Variants in SLIT3 observed in about 807,000 individuals in gnomAD.
SLIT3 encodes the protein slit guidance ligand 3.
In SLIT3, 68 loss-of-function variants were observed where a neutral mutation model predicts 184.0. The ratio of observed to expected loss-of-function variants is 0.37; its 90% CI spans 0.30 to 0.45. The LOEUF (loss-of-function observed/expected upper bound fraction) is 0.45. Among genes scored for constraint, SLIT3 ranks in the 20% least tolerant of loss-of-function variants. SLIT3 has a pLI of 1.00. For synonymous variants in SLIT3, 831 were observed against 828.6 expected, an observed-to-expected ratio of 1.00 and a Z score of -0.05; for missense variants, 1,707 against 2,026.0, an observed-to-expected ratio of 0.84 and a Z score of 3.02.
chr5:168,958,795 C>A lies in SLIT3; in HGVS notation c.414-75459G>T, dbSNP rs141517970. On this transcript the variant is annotated intron_variant, in intron 4 of 35. Coordinates refer to ENST00000519560, the MANE Select transcript of SLIT3 (RefSeq NM_003062.4). Reference sequence around the variant, plus strand: ...TGGTGGAAGAAGGTGTCATGTGTACCGACATTCTTTTCTCCAAACTCCATC... The same window carrying A: ...TGGTGGAAGAAGGTGTCATGTGTACAGACATTCTTTTCTCCAAACTCCATC... Among the ~76,000 whole-genome samples, 301 of 152,310 alleles carry A rather than the reference C, an allele frequency of 2.0e-3. 2 individuals carry two copies. The highest frequency in any genetic ancestry group is 3.2e-3 in the Non-Finnish European group (221 of 68,024).
intron 22 of SLIT3, among the ~76,000 whole-genome samples, chr5:168,722,722 C>T (rs796779570): frequency 1.7e-4 from 26 of 152,324 alleles, no homozygotes; most frequent in African/African-American, 6.3e-4. Flanking sequence ...TCAGAAGCGA[C>T]GAGGTTCTAG....
chr5:168,731,452 A>G (rs77040746), intron 20 of SLIT3, among the ~76,000 whole-genome samples: 22,327 of 152,022 alleles, frequency 0.15, 2,267 homozygotes, highest in Non-Finnish European at 0.22. Flanking sequence ...TACTCATTCT[A>G]TGAGGTCAGT....
chr5:168,877,983 G>A (rs1048280123), intron 5 of SLIT3, among the ~76,000 whole-genome samples: 3 of 151,770 alleles, frequency 2.0e-5, no homozygotes, highest in Admixed American at 1.3e-4. Flanking sequence ...ACGTCTTTCC[G>A]TGATTTCTTT....
chr5:169,189,037 G>A (rs1270349555), intron 4 of SLIT3, among the ~76,000 whole-genome samples: 10 of 152,138 alleles, frequency 6.6e-5, no homozygotes, highest in Admixed American at 3.3e-4. Flanking sequence ...CCCAAGCATC[G>A]TAGAGACCTC....
At chr5:169,122,221 A>T (rs1398958788) in intron 4 of SLIT3, among the ~76,000 whole-genome samples, 1 of 152,224 alleles carries the variant, frequency 6.6e-6, no homozygotes, top group Non-Finnish European at 1.5e-5. Flanking sequence ...AAACACACTC[A>T]GTTATTACAT....
chr5:169,058,950 T>TGG (rs1194830608), intron 4 of SLIT3, among the ~76,000 whole-genome samples: 10 of 152,334 alleles, frequency 6.6e-5, no homozygotes, highest in Admixed American at 2.0e-4. Flanking sequence ...TGGGCACCTT[T>TGG]GCACAAACCA....
At position 169,150,332 on chromosome 5, in the gene SLIT3, C is replaced by A. The variant is rs562281989; in HGVS notation, c.413+43147G>T. Among the ~76,000 whole-genome samples, 7 of 152,192 alleles carry A rather than the reference C, an allele frequency of 4.6e-5. No homozygotes were observed. The South Asian group carries it at 8.3e-4, about 18-fold the overall frequency. On this transcript the variant is annotated intron_variant, in intron 4 of 35. Transcript: ENST00000519560. ...TGCCATGATCTGGTCTAGGCCAGGA[C>A]CACAAATGGCTAATGAGGTTAAATA...
intron 4 of SLIT3, among the ~76,000 whole-genome samples, chr5:169,160,313 C>A (rs571877869): frequency 2.0e-5 from 3 of 152,210 alleles, no homozygotes; most frequent in Non-Finnish European, 4.4e-5. Flanking sequence ...TGCCTAAGGG[C>A]ACACATCTCA....
chr5:168,938,630 GATT>G (rs1002322004), intron 4 of SLIT3, among the ~76,000 whole-genome samples: 3 of 152,054 alleles, frequency 2.0e-5, no homozygotes. Context: ...TCTACACAAT[GATT>G]ATTATTATTT....
At chr5:168,753,237 T>G in intron 17 of SLIT3, 139 bp from the exon 18 acceptor site, 2 of 841,752 alleles carry the variant, frequency 2.4e-6, no homozygotes, top group Non-Finnish European at 3.7e-6. Flanking sequence ...TGATCAGGTT[T>G]GTCCTGTGAT....
At chr5:168,955,128 A>G (rs1762780298) in intron 4 of SLIT3, among the ~76,000 whole-genome samples, 1 of 151,984 alleles carries the variant, frequency 6.6e-6, no homozygotes, top group Admixed American at 6.6e-5. Flanking sequence ...GGCCCAGCTT[A>G]CCGGGTGTTG....
intron 16 of SLIT3, among the ~76,000 whole-genome samples, chr5:168,758,756 G>A (rs895431013): frequency 4.6e-5 from 7 of 152,182 alleles, no homozygotes; most frequent in African/African-American, 1.2e-4. Flanking sequence ...GGCCTAGAAG[G>A]CCTCTGTCAT....
intron 4 of SLIT3, among the ~76,000 whole-genome samples, chr5:169,158,481 A>T (rs1339773965): frequency 6.6e-6 from 1 of 152,194 alleles, no homozygotes; most frequent in Non-Finnish European, 1.5e-5. Context: ...GCTAAAAAAA[A>T]ATCCTCTAAA....
chr5:169,133,880 AT>A (rs1225048594), intron 4 of SLIT3, among the ~76,000 whole-genome samples: 3 of 152,248 alleles, frequency 2.0e-5, no homozygotes, highest in Non-Finnish European at 2.9e-5. Flanking sequence ...CAGTAAAATA[AT>A]TAGCATGGCA....
chr5:168,783,641 G>C (rs112702203), intron 12 of SLIT3, among the ~76,000 whole-genome samples: 2,863 of 152,280 alleles, frequency 0.019, 35 homozygotes, highest in Non-Finnish European at 0.029. Flanking sequence ...AAATAACTCA[G>C]ACTACCAGAG....
intron 1 of SLIT3, among the ~76,000 whole-genome samples, chr5:169,282,119 T>C (rs2113647987): frequency 6.6e-6 from 1 of 152,290 alleles, no homozygotes; most frequent in East Asian, 1.9e-4. Flanking sequence ...GATAGAGACT[T>C]GGATAGGTTT....
At chr5:168,703,678 G>T (rs765852815) in intron 26 of SLIT3, among the ~76,000 whole-genome samples, 2 of 152,030 alleles carry the variant, frequency 1.3e-5, no homozygotes, top group Non-Finnish European at 2.9e-5. Context: ...TGGGGGCTGG[G>T]CGCAGTGCCT....
chr5:169,202,492 G>C (rs1036661644), intron 3 of SLIT3, among the ~76,000 whole-genome samples: 2 of 152,252 alleles, frequency 1.3e-5, no homozygotes, highest in East Asian at 3.9e-4. Flanking sequence ...CTTAAGGCTT[G>C]AACAGAGGTC....
At position 168,732,461 on chromosome 5, in the gene SLIT3, G is replaced by GA. The variant is rs530573800; in HGVS notation, c.2271-7978dup. Among the ~76,000 whole-genome samples the GA allele has an allele frequency of 3.9e-3, 597 of 151,598 alleles. 1 individual carries two copies. The highest frequency in any genetic ancestry group is 5.9e-3 in the Non-Finnish European group (398 of 67,788). On this transcript the variant is annotated intron_variant, in intron 20 of 35. Coordinates refer to ENST00000519560, the MANE Select transcript of SLIT3 (RefSeq NM_003062.4). ...ATTTGGTACATTTTTCACAGAATTA[G>GA]AAAAAAAATCCTAAAATTCATATTC...
Sources: allele counts gnomAD v4.1 joint callset (sites outside exome capture counted in the v4.1 genomes callset), GRCh38; gene constraint gnomAD v4.1.1; transcripts MANE v1.5; gene names NCBI Gene and HGNC (gene_info 2026-07-23, HGNC 2026-07-21).